Variants in SEMA5B observed in about 807,000 individuals in gnomAD.
The protein encoded by SEMA5B is semaphorin 5B.
Under a neutral mutation model 135.0 loss-of-function variants are expected in SEMA5B, and 66 were observed. The observed-to-expected ratio is 0.49, with a 90% CI of 0.40 to 0.60. The LOEUF (loss-of-function observed/expected upper bound fraction) is 0.60. Ranked by LOEUF, SEMA5B falls within the 20% of genes least tolerant of loss-of-function variation. The pLI, the probability that SEMA5B is intolerant of heterozygous loss-of-function variation, is 0.00. For synonymous variants in SEMA5B, 690 were observed against 639.5 expected (o/e 1.08, Z -1.19); for missense variants, 1,501 against 1,566.3 (o/e 0.96, Z 0.70).
intron 1 of SEMA5B, among the ~76,000 whole-genome samples, chr3:123,008,320 G>A (rs887367952): frequency 3.3e-5 from 5 of 152,202 alleles, no homozygotes; most frequent in Non-Finnish European, 5.9e-5. Context: ...CCCCTGCTTA[G>A]AATATAAACT....
chr3:122,915,015 C>G (rs1409165395), intron 14 of SEMA5B, among the ~76,000 whole-genome samples: 3 of 152,206 alleles, frequency 2.0e-5, no homozygotes, highest in African/African-American at 4.8e-5. Flanking sequence ...TGGGTGGGTA[C>G]TATAACCCTC....
chr3:122,976,041 C>A, intron 1 of SEMA5B: 2 of 1,535,142 alleles, frequency 1.3e-6, no homozygotes, highest in South Asian at 1.2e-5. Flanking sequence ...TGTAGAATGC[C>A]CTCTCCCAAA....
intron 1 of SEMA5B, among the ~76,000 whole-genome samples, chr3:122,993,679 T>C (rs986655707): frequency 2.0e-5 from 3 of 152,028 alleles, no homozygotes; most frequent in African/African-American, 7.3e-5. Flanking sequence ...GACAGGGGGA[T>C]GGGCGGTGAG....
At chr3:122,924,977 C>T (rs1007360251) in intron 9 of SEMA5B, among the ~76,000 whole-genome samples, 13 of 152,336 alleles carry the variant, frequency 8.5e-5, no homozygotes, top group Middle Eastern at 6.8e-3. Flanking sequence ...TGACGCCGCA[C>T]CCCTACCAGG....
chr3:122,951,247 A>G (rs373641700), intron 2 of SEMA5B, among the ~76,000 whole-genome samples: 2 of 152,372 alleles, frequency 1.3e-5, no homozygotes. Flanking sequence ...TGTGAAAATA[A>G]GACAGTAAAA....
At position 122,962,939 on chromosome 3, in the gene SEMA5B, T is replaced by C. The variant is rs1940649479; in HGVS notation, c.-38-1638A>G. 2.0e-5 allele frequency among the ~76,000 whole-genome samples: 3 copies of C among 152,008 alleles called. 1 individual carries two copies. The South Asian group carries it at 6.2e-4, about 32-fold the overall frequency. ...GAGAGGAGGGAAAAGTCACAATGGGTGGCTACAGGTCCGATCTGGCCCAAG... is the reference window on the plus strand; with the variant it reads ...GAGAGGAGGGAAAAGTCACAATGGGCGGCTACAGGTCCGATCTGGCCCAAG... On this transcript the variant is annotated intron_variant, in intron 1 of 22. Transcript: ENST00000357599.
intron 1 of SEMA5B, among the ~76,000 whole-genome samples, chr3:122,989,580 T>A (rs1352356965): frequency 1.3e-5 from 2 of 152,198 alleles, no homozygotes; most frequent in Non-Finnish European, 2.9e-5. Context: ...GTAATCCTCA[T>A]GTCACTTCTG....
At chr3:123,024,983 TCCAGGG>T (rs1469418043) in intron 1 of SEMA5B, among the ~76,000 whole-genome samples, 4 of 152,158 alleles carry the variant, frequency 2.6e-5, no homozygotes, top group Non-Finnish European at 5.9e-5. Flanking sequence ...ATGGACAATC[TCCAGGG>T]CCTCTCCCAG....
chr3:122,913,190 G>A lies in SEMA5B; in HGVS notation c.2506+9C>T, dbSNP rs1357882278. ...AGAGAGGAAGGAGGGGGCGCCGGGCGCGGGGTACCGTCGGTGTCGCAGGAG... is the reference window on the plus strand; with the variant it reads ...AGAGAGGAAGGAGGGGGCGCCGGGCACGGGGTACCGTCGGTGTCGCAGGAG... On this transcript the variant is annotated intron_variant, in intron 17 of 22. Coordinates refer to ENST00000357599, the MANE Select transcript of SEMA5B (RefSeq NM_001031702.4). The A allele has an allele frequency of 1.3e-6, 2 of 1,550,278 alleles. No homozygotes were observed. Among genetic ancestry groups the A allele is most frequent in the East Asian group, 2.4e-5 (1 of 41,216 alleles).
chr3:122,923,006 T>C (rs755652357), intron 10 of SEMA5B, among the ~76,000 whole-genome samples: 3 of 152,196 alleles, frequency 2.0e-5, no homozygotes, highest in Non-Finnish European at 4.4e-5. Context: ...GACTTTTTTG[T>C]CCAAGGTCAC....
intron 1 of SEMA5B, among the ~76,000 whole-genome samples, chr3:123,016,231 G>A (rs1410971423): frequency 1.3e-5 from 2 of 152,192 alleles, no homozygotes; most frequent in Admixed American, 6.5e-5. Flanking sequence ...CTCTTTGAGG[G>A]GCTCAGGGAA....
Position 122,979,135 on chromosome 3 carries a change from A to G in SEMA5B, c.-38-17834T>C, listed in dbSNP as rs572742401. The stretch of plus-strand genomic sequence containing the variant: ...GATAAATGGGATGGGAGGCGGGGGA[A>G]GAAGCAAAGTCCTCAGGTGTCTGAA... On this transcript the variant is annotated intron_variant, in intron 1 of 22. Coordinates refer to ENST00000357599, the MANE Select transcript of SEMA5B (RefSeq NM_001031702.4). 2.6e-4 allele frequency among the ~76,000 whole-genome samples: 39 copies of G among 152,218 alleles called. 1 individual carries two copies. The highest frequency in any genetic ancestry group is 2.4e-5 in the African/African-American group (1 of 41,462).
intron 2 of SEMA5B, among the ~76,000 whole-genome samples, chr3:122,952,583 G>A (rs1350605601): frequency 6.6e-6 from 1 of 152,268 alleles, no homozygotes; most frequent in African/African-American, 2.4e-5. Context: ...GTACCTGGCA[G>A]ACACTGAGTG....
intron 3 of SEMA5B, 120 bp from the exon 4 acceptor site, chr3:122,943,655 A>T: frequency 1.5e-6 from 1 of 684,172 alleles, no homozygotes; most frequent in Non-Finnish European, 2.5e-6. Context: ...GGCACCCGGG[A>T]GACCTGGTGC....
At chr3:122,962,792 G>C (rs1250141619) in intron 1 of SEMA5B, among the ~76,000 whole-genome samples, 3 of 152,136 alleles carry the variant, frequency 2.0e-5, no homozygotes, top group South Asian at 2.1e-4. Context: ...CCACAGACTG[G>C]GGTGATGGGC....
At chr3:123,013,909 C>T (rs1942493484) in intron 1 of SEMA5B, among the ~76,000 whole-genome samples, 1 of 152,214 alleles carries the variant, frequency 6.6e-6, no homozygotes, top group African/African-American at 2.4e-5. Context: ...GCTCATCCTA[C>T]AGCTGTCTCC....
At chr3:122,999,526 T>C (rs1942118315) in intron 1 of SEMA5B, among the ~76,000 whole-genome samples, 1 of 150,196 alleles carries the variant, frequency 6.7e-6, no homozygotes. Flanking sequence ...TGCCCGGCCT[T>C]AAGTAGATTT....
intron 5 of SEMA5B, among the ~76,000 whole-genome samples, chr3:122,935,028 A>G (rs1939185460): frequency 6.6e-6 from 1 of 152,218 alleles, no homozygotes; most frequent in Non-Finnish European, 1.5e-5. Flanking sequence ...TTAAAGTGCT[A>G]TTGAGTACAC....
intron 1 of SEMA5B, among the ~76,000 whole-genome samples, chr3:122,987,044 G>A (rs915032961): frequency 6.6e-6 from 1 of 152,174 alleles, no homozygotes; most frequent in Non-Finnish European, 1.5e-5. Flanking sequence ...CCAGAGAAAG[G>A]CCAGGAAAGG....
Sources: allele counts gnomAD v4.1 joint callset (sites outside exome capture counted in the v4.1 genomes callset), GRCh38; gene constraint gnomAD v4.1.1; transcripts MANE v1.5; gene names NCBI Gene and HGNC (gene_info 2026-07-23, HGNC 2026-07-21).